Variants in RIN2 observed in about 807,000 individuals in gnomAD.
RIN2 encodes Ras and Rab interactor 2.
A neutral mutation model predicts 78.0 loss-of-function variants in RIN2; 36 were observed. The ratio of observed to expected loss-of-function variants is 0.46; its 90% CI spans 0.35 to 0.61. The LOEUF is 0.61. Ranked by LOEUF, RIN2 falls within the 20% of genes least tolerant of loss-of-function variation. RIN2 has a pLI of 0.00. For missense variants in RIN2, 1,087 were observed against 1,159.7 expected, an observed-to-expected ratio of 0.94 and a Z score of 0.91; for synonymous variants, 466 against 466.8, an observed-to-expected ratio of 1.00 and a Z score of 0.02.
intron 3 of RIN2, among the ~76,000 whole-genome samples, chr20:19,905,532 G>C (rs949930546): frequency 3.3e-5 from 5 of 152,076 alleles, no homozygotes; most frequent in African/African-American, 1.2e-4. Flanking sequence ...AGACCAGCCT[G>C]GTCAACACAG....
intron 1 of RIN2, among the ~76,000 whole-genome samples, chr20:19,775,330 G>T (rs1162417072): frequency 1.3e-5 from 2 of 152,198 alleles, no homozygotes; most frequent in Non-Finnish European, 2.9e-5. Flanking sequence ...GCAGTGCAAA[G>T]GTTGACTGCT....
At chr20:19,827,922 G>A (rs530070680) in intron 2 of RIN2, among the ~76,000 whole-genome samples, 67 of 150,780 alleles carry the variant, frequency 4.4e-4, no homozygotes, top group South Asian at 3.4e-3. Flanking sequence ...CCCTTCTCCT[G>A]GGCTGTAGGC....
chr20:19,938,837 C>G (rs977689177), intron 4 of RIN2, among the ~76,000 whole-genome samples: 1 of 152,218 alleles, frequency 6.6e-6, no homozygotes, highest in Non-Finnish European at 1.5e-5. Context: ...CCAACTTATA[C>G]TCCCTTGGCC....
chr20:19,938,410 G>T lies in RIN2; in HGVS notation c.158+3211G>T, dbSNP rs553663203. Among the ~76,000 whole-genome samples the T allele has an allele frequency of 7.2e-5, 11 of 151,764 alleles. No homozygotes were observed. In the South Asian group the frequency reaches 2.3e-3, roughly 32 times the overall value. ...ATTTTTTTTTTTAATTTTTGGTAGA[G>T]ATTGGGGTCTCTCTGTGTTGCCCAG... is the stretch of plus-strand genomic sequence containing the variant. On this transcript the variant is annotated intron_variant, in intron 4 of 12. Coordinates refer to ENST00000255006, the MANE Select transcript of RIN2 (RefSeq NM_018993.4).
In RIN2 at chr20:19,928,542, T is replaced by C. The variant is rs144030187; in HGVS notation, c.58-6557T>C. 1.8e-4 allele frequency among the ~76,000 whole-genome samples: 27 copies of C among 152,284 alleles called. No individual in the cohort carries two copies. The East Asian group carries it at 3.5e-3, about 20-fold the overall frequency. On this transcript the variant is annotated intron_variant, in intron 3 of 12. Transcript: ENST00000255006. ...GATTACAAAATGGTACAAATTACTG[T>C]AGACTCCTGCACCAGACTGGAACTC...
At chr20:19,816,027 C>T (rs539329816) in intron 2 of RIN2, among the ~76,000 whole-genome samples, 12 of 152,334 alleles carry the variant, frequency 7.9e-5, no homozygotes, top group South Asian at 2.1e-4. Context: ...AAGAAACAGA[C>T]ATTGATCACA....
chr20:19,885,881 TG>T (rs1323573451), intron 2 of RIN2, among the ~76,000 whole-genome samples: 1 of 152,056 alleles, frequency 6.6e-6, no homozygotes, highest in African/African-American at 2.4e-5. Flanking sequence ...CAATTTTTAC[TG>T]GTCAATTAAT....
intron 8 of RIN2, among the ~76,000 whole-genome samples, chr20:19,972,289 C>T (rs2042132177): frequency 1.3e-5 from 2 of 152,070 alleles, no homozygotes; most frequent in Admixed American, 6.6e-5. Flanking sequence ...AGATGTGCAC[C>T]GGGTCTCAGT....
intron 9 of RIN2, among the ~76,000 whole-genome samples, chr20:19,984,336 T>C (rs2042561081): frequency 6.6e-6 from 1 of 152,226 alleles, no homozygotes; most frequent in African/African-American, 2.4e-5. Context: ...CTATATGGTA[T>C]ATCCTGCTGC....
At chr20:19,844,589 TGC>T (rs2036677598) in intron 2 of RIN2, among the ~76,000 whole-genome samples, 7 of 138,828 alleles carry the variant, frequency 5.0e-5, no homozygotes, top group African/African-American at 1.3e-4. Context: ...CTGCTGCTGC[TGC>T]TGCTTCTTCC....
chr20:19,889,024 G>A, intron 2 of RIN2: 2 of 602,926 alleles, frequency 3.3e-6, no homozygotes, highest in Non-Finnish European at 4.2e-6. Flanking sequence ...TGTAAACAGT[G>A]ACAGGATTTT....
intron 3 of RIN2, among the ~76,000 whole-genome samples, chr20:19,913,122 T>A (rs1220010636): frequency 6.6e-6 from 1 of 152,240 alleles, no homozygotes; most frequent in Non-Finnish European, 1.5e-5. Context: ...AAGGTCTCCA[T>A]GACATATATT....
At chr20:19,997,226 C>T (rs543856149) in intron 12 of RIN2, among the ~76,000 whole-genome samples, 139 of 152,314 alleles carry the variant, frequency 9.1e-4, no homozygotes, top group African/African-American at 1.6e-3. Context: ...AGAGGAACAG[C>T]GATGTCTCCT....
intron 2 of RIN2, among the ~76,000 whole-genome samples, chr20:19,806,671 A>G (rs1466966546): frequency 6.6e-6 from 1 of 152,160 alleles, no homozygotes; most frequent in Non-Finnish European, 1.5e-5. Flanking sequence ...CTGAGGTGGG[A>G]TGATTGCCTG....
At chr20:19,874,145 G>A (rs985376045) in intron 2 of RIN2, among the ~76,000 whole-genome samples, 2 of 152,036 alleles carry the variant, frequency 1.3e-5, no homozygotes, top group Admixed American at 6.6e-5. Flanking sequence ...CCAAACAACT[G>A]TTTAAGGGCA....
chr20:19,975,755 C>T lies in RIN2; in HGVS notation c.1730C>T (p.Pro577Leu), dbSNP rs781233351. Residue 577 changes from proline (P) to leucine (L), a missense_variant, in exon 9 of 13, where the codon CCC becomes CTC. Physicochemically the swap from Pro to Leu is moderately conservative, Grantham distance 98. This residue lies in a region of RIN2 where 39 missense variants were observed against 34.9 expected (regional missense o/e 1.12). Coordinates refer to ENST00000255006, the MANE Select transcript of RIN2 (RefSeq NM_018993.4). The surrounding 1 kb of genome is among the most constrained non-coding windows in gnomAD (Gnocchi z 4.9). The part of the protein sequence containing the change: ...YLSQSSELDP[P>L]IESLIPEDQI... ...TCTCAGAGCTCGGAGCTGGACCCCCCCATCGAGTCGCTGATCCCTGAAGAC... is the reference window on the plus strand; with the variant it reads ...TCTCAGAGCTCGGAGCTGGACCCCCTCATCGAGTCGCTGATCCCTGAAGAC... 1.9e-6 allele frequency: 3 copies of T among 1,612,140 alleles called. No homozygotes were observed. The highest frequency in any genetic ancestry group is 1.1e-5 in the South Asian group (1 of 90,806).
chr20:19,991,143 C>T (rs1355218366), intron 10 of RIN2, among the ~76,000 whole-genome samples: 1 of 152,152 alleles, frequency 6.6e-6, no homozygotes, highest in Non-Finnish European at 1.5e-5. Flanking sequence ...CTGTATTAAC[C>T]ACTGCTTGAG....
chr20:19,992,734 A>AC (rs1555811303), intron 11 of RIN2, among the ~76,000 whole-genome samples: 1 of 151,966 alleles, frequency 6.6e-6, no homozygotes, highest in Non-Finnish European at 1.5e-5. Context: ...AATAAATGCC[A>AC]TTTTTTTTGG....
intron 1 of RIN2, among the ~76,000 whole-genome samples, chr20:19,793,420 C>A (rs2034950794): frequency 6.6e-6 from 1 of 152,068 alleles, no homozygotes; most frequent in African/African-American, 2.4e-5. Context: ...GTGATAATAG[C>A]ATGGTTTTCC....
Sources: gnomAD v4.1 joint callset for allele counts (sites outside exome capture counted in the v4.1 genomes callset) on GRCh38, gnomAD v4.1.1 for gene constraint, gnomAD v4.1.1 regional missense constraint, Gnocchi (gnomAD v3.1) non-coding constraint, MANE v1.5 for transcripts, NCBI Gene and HGNC (gene_info 2026-07-23, HGNC 2026-07-21) for gene names.